The following RUVBL1 variants were observed in gnomAD, a reference collection of about 807,000 sequenced individuals.
RUVBL1 encodes RuvB like AAA ATPase 1, also known as ruvB-like 1.
A neutral mutation model predicts 52.4 loss-of-function variants in RUVBL1; 4 were observed. The observed-to-expected ratio is 0.08, with a 90% confidence interval of 0.04 to 0.17. RUVBL1 has a LOEUF of 0.17. RUVBL1 is among the 10% of genes least tolerant of loss of function. The pLI is 1.00. For missense variants in RUVBL1, 298 were observed against 572.8 expected (o/e 0.52, Z 4.90); for synonymous variants, 217 against 214.4 (o/e 1.01, Z -0.10).
intron 1 of RUVBL1, among the ~76,000 whole-genome samples, chr3:128,148,758 CAT>C (rs1472402198): frequency 1.3e-5 from 2 of 152,300 alleles, no homozygotes; most frequent in East Asian, 3.9e-4. Context: ...ATAGAGAGTG[CAT>C]TTTTCATAAA....
intron 1 of RUVBL1, among the ~76,000 whole-genome samples, chr3:128,147,735 C>T (rs1438695171): frequency 1.3e-5 from 2 of 152,184 alleles, no homozygotes; most frequent in African/African-American, 2.4e-5. Context: ...CCATATGACC[C>T]AACAATCTCA....
chr3:128,108,471 T>C (rs1943299610), intron 3 of RUVBL1, among the ~76,000 whole-genome samples: 1 of 152,170 alleles, frequency 6.6e-6, no homozygotes, highest in Non-Finnish European at 1.5e-5. Context: ...TACATCCATG[T>C]GAAAGCCAGT....
chr3:128,132,763 A>AGCCT (rs1366974917), intron 1 of RUVBL1, among the ~76,000 whole-genome samples: 1 of 152,168 alleles, frequency 6.6e-6, no homozygotes, highest in Non-Finnish European at 1.5e-5. Context: ...ATTTACCACG[A>AGCCT]GCCTTGGGTG....
intron 1 of RUVBL1, among the ~76,000 whole-genome samples, chr3:128,140,256 T>G (rs1944003000): frequency 7.5e-6 from 1 of 133,884 alleles, no homozygotes; most frequent in Admixed American, 8.0e-5. Flanking sequence ...TGAGACGGAG[T>G]CTCCCTCTGT....
intron 9 of RUVBL1, chr3:128,084,608 TAG>T (rs1403932606): frequency 8.6e-5 from 13 of 151,984 alleles, no homozygotes; most frequent in African/African-American, 3.1e-4. Flanking sequence ...TCTCTCTCAC[TAG>T]AGAGAGCAGC....
chr3:128,118,086 C>T (rs1943567592), intron 2 of RUVBL1, among the ~76,000 whole-genome samples: 1 of 152,056 alleles, frequency 6.6e-6, no homozygotes, highest in Admixed American at 6.6e-5. Context: ...GAAGAAATTT[C>T]TAAATTATTT....
At chr3:128,097,729 A>G (rs6439113) in intron 7 of RUVBL1, among the ~76,000 whole-genome samples, 131,639 of 152,096 alleles carry the variant, frequency 0.87, 57,200 homozygotes, top group African/African-American at 0.94. Context: ...CCAAAAGATG[A>G]GTTTGGTTAA....
downstream of RUVBL1, among the ~76,000 whole-genome samples, chr3:128,076,822 C>G (rs964549230): frequency 6.6e-6 from 1 of 152,116 alleles, no homozygotes; most frequent in Non-Finnish European, 1.5e-5. The surrounding 1 kb of genome is among the most constrained non-coding windows in gnomAD (Gnocchi z 6.8). Flanking sequence ...TGCAGCGTGC[C>G]GTGTGCGGCG....
intron 9 of RUVBL1, chr3:128,068,200 A>G (rs1174489233): frequency 6.2e-6 from 4 of 648,738 alleles, no homozygotes; most frequent in Non-Finnish European, 1.1e-5. Flanking sequence ...TAAATGTTAT[A>G]TATTTATAAA....
At chr3:128,094,056 C>G (rs1001197190) in intron 8 of RUVBL1, among the ~76,000 whole-genome samples, 1 of 152,190 alleles carries the variant, frequency 6.6e-6, no homozygotes, top group Non-Finnish European at 1.5e-5. Flanking sequence ...GGGCAATACT[C>G]TAGGGCTGGC....
At chr3:128,141,834 G>A (rs544738188) in intron 1 of RUVBL1, 1 of 152,274 alleles carries the variant, frequency 6.6e-6, no homozygotes, top group Admixed American at 6.5e-5. Context: ...GTGTGTCCTG[G>A]CCTTAGCAGT....
chr3:128,100,063 A>T (rs1264521171), intron 6 of RUVBL1, among the ~76,000 whole-genome samples: 2 of 152,226 alleles, frequency 1.3e-5, no homozygotes, highest in Admixed American at 1.3e-4. Flanking sequence ...CTATTCCCTA[A>T]TAGTGACTAT....
upstream of RUVBL1, chr3:128,123,893 C>T: frequency 1.6e-6 from 2 of 1,263,918 alleles, no homozygotes; most frequent in Non-Finnish European, 1.0e-6. Context: ...AGGCTCACGG[C>T]TGCGCCCATC....
At chr3:128,115,558 G>C (rs779593810) in intron 2 of RUVBL1, among the ~76,000 whole-genome samples, 12 of 152,156 alleles carry the variant, frequency 7.9e-5, no homozygotes, top group African/African-American at 2.7e-4. Context: ...ATACACATTG[G>C]AAGGGAGTGG....
intron 1 of RUVBL1, among the ~76,000 whole-genome samples, chr3:128,135,358 C>G (rs1487118734): frequency 6.6e-6 from 1 of 152,048 alleles, no homozygotes; most frequent in African/African-American, 2.4e-5. Context: ...TAGGGTGAAA[C>G]CTCATATCTA....
intron 8 of RUVBL1, among the ~76,000 whole-genome samples, chr3:128,096,171 CT>C (rs1942964023): frequency 6.6e-6 from 1 of 152,180 alleles, no homozygotes; most frequent in African/African-American, 2.4e-5. Context: ...AAACAGGCCC[CT>C]CATCACCCAC....
Position 128,067,971 on chromosome 3 carries a change from G to C in RUVBL1, c.940-2751C>G. The C allele has an allele frequency of 6.2e-7, 1 of 1,612,346 alleles. No individual in the cohort carries two copies. The highest frequency in any genetic ancestry group is 8.5e-7 in the Non-Finnish European group (1 of 1,178,692). On this transcript the variant is annotated intron_variant, in intron 9 of 9. Coordinates refer to the RUVBL1 transcript ENST00000464873. The surrounding 1 kb of genome is among the most constrained non-coding windows in gnomAD (Gnocchi z 4.1). ...CTCCAATTCCAACTTCTCCCCTGTG[G>C]GCACCCTGCAGGTTGCAAAGCAGCT...
rs1394491680 is a variant in RUVBL1 at position 128,140,228 on chromosome 3, G to T, written c.-40+12975C>A. Among the ~76,000 whole-genome samples, 105 of 53,386 alleles carry T rather than the reference G, an allele frequency of 2.0e-3. 4 individuals carry two copies. Among genetic ancestry groups the T allele is most frequent in the Middle Eastern group, 0.011 (1 of 90 alleles). 35.0% of individuals were successfully genotyped at this position (53,386 alleles called of 152,430 possible). A position where few individuals can be genotyped will look rare whatever the true frequency, so the allele number is the denominator to read the frequency against. ...TGATATGATACAAGTTTTTTTGTTT[G>T]TTTGTTTTTTTTTTTTTTGAGACGG... On this transcript the variant is annotated intron_variant, in intron 1 of 9. Coordinates refer to the RUVBL1 transcript ENST00000464873.
chr3:128,080,538 T>C (rs371082822), downstream of RUVBL1, among the ~76,000 whole-genome samples: 41 of 152,306 alleles, frequency 2.7e-4, no homozygotes, highest in South Asian at 7.5e-3. Flanking sequence ...CATGATACGA[T>C]GTGATCAGAA....
Sources: allele counts gnomAD v4.1 joint callset (sites outside exome capture counted in the v4.1 genomes callset), GRCh38; gene constraint gnomAD v4.1.1; non-coding constraint Gnocchi (gnomAD v3.1); transcripts MANE v1.5; gene names NCBI Gene and HGNC (gene_info 2026-07-23, HGNC 2026-07-21).